The following NKAIN2 variants were observed in gnomAD, a reference collection of about 807,000 sequenced individuals.
NKAIN2 encodes the protein sodium/potassium-transporting ATPase subunit beta-1-interacting protein 2.
A neutral mutation model predicts 32.6 loss-of-function variants in NKAIN2; 14 were observed. That is an observed-to-expected ratio of 0.43 (90% CI 0.28 to 0.67). The LOEUF is 0.67. NKAIN2 is among the 30% of genes least tolerant of loss of function. NKAIN2 has a pLI of 0.17. For missense variants in NKAIN2, 198 were observed against 258.3 expected (o/e 0.77, Z 1.60); for synonymous variants, 80 against 87.2 (o/e 0.92, Z 0.46).
At chr6:124,416,376 G>A (rs1774488813) in intron 3 of NKAIN2, among the ~76,000 whole-genome samples, 1 of 152,154 alleles carries the variant, frequency 6.6e-6, no homozygotes, top group Admixed American at 6.5e-5. Flanking sequence ...AGCTATGGTG[G>A]CCCATACCTG....
chr6:124,026,370 GCTGT>G (rs61311828), intron 1 of NKAIN2, among the ~76,000 whole-genome samples: 27,480 of 152,018 alleles, frequency 0.18, 2,684 homozygotes, highest in African/African-American at 0.24. Flanking sequence ...GAATTGCAGG[GCTGT>G]CTATTTCCAT....
chr6:124,499,393 A>G (rs1778196550), intron 3 of NKAIN2, among the ~76,000 whole-genome samples: 1 of 152,180 alleles, frequency 6.6e-6, no homozygotes, highest in South Asian at 2.1e-4. Flanking sequence ...GGCTTAAGAA[A>G]AGTTAAATAT....
chr6:123,889,434 T>G (rs1298509578), intron 1 of NKAIN2, among the ~76,000 whole-genome samples: 1 of 152,108 alleles, frequency 6.6e-6, no homozygotes, highest in Non-Finnish European at 1.5e-5. Context: ...GAACTTAGGT[T>G]TCTTAGAGGA....
chr6:124,676,150 G>A (rs73770515), intron 4 of NKAIN2, among the ~76,000 whole-genome samples: 9,187 of 152,072 alleles, frequency 0.06, 391 homozygotes, highest in African/African-American at 0.12. Context: ...TTCTTTTGCT[G>A]TTGATTTCTA....
intron 4 of NKAIN2, among the ~76,000 whole-genome samples, chr6:124,724,133 C>T (rs1776158768): frequency 1.3e-5 from 2 of 152,094 alleles, no homozygotes; most frequent in South Asian, 2.1e-4. Flanking sequence ...GAGTGGCTGC[C>T]GTTTGTTCCA....
At chr6:124,578,855 C>T (rs879925456) in intron 3 of NKAIN2, among the ~76,000 whole-genome samples, 24 of 151,860 alleles carry the variant, frequency 1.6e-4, no homozygotes, top group African/African-American at 4.1e-4. Context: ...GGCAGCTCAG[C>T]GCAGAAAGAG....
At chr6:124,802,103 G>A (rs1258004324) in intron 5 of NKAIN2, among the ~76,000 whole-genome samples, 1 of 152,090 alleles carries the variant, frequency 6.6e-6, no homozygotes, top group African/African-American at 2.4e-5. Flanking sequence ...TTCATTTCTG[G>A]AGGCTGTAAA....
rs925900813 is a variant in NKAIN2 at position 124,726,863 on chromosome 6, G to A, written c.475-64476G>A. 1.1e-4 allele frequency among the ~76,000 whole-genome samples: 13 copies of A among 122,644 alleles called. No individual in the cohort carries two copies. The Admixed American group carries it at 1.2e-3, about 11-fold the overall frequency. The allele number at this position is 122,644 out of a possible 152,430, so 80.5% of individuals were successfully genotyped here. A position where few individuals can be genotyped will look rare whatever the true frequency, so the allele number is the denominator to read the frequency against. Reference sequence around the variant, plus strand: ...TAACCAATACAGAGAAGTGCTTAAAGGAGCTGATGGAGCTGAAAACCAAGG... The same window carrying A: ...TAACCAATACAGAGAAGTGCTTAAAAGAGCTGATGGAGCTGAAAACCAAGG... On this transcript the variant is annotated intron_variant, in intron 4 of 6. Transcript: ENST00000368417.
At chr6:123,994,269 A>T (rs113921678) in intron 1 of NKAIN2, among the ~76,000 whole-genome samples, 86 of 151,568 alleles carry the variant, frequency 5.7e-4, no homozygotes, top group African/African-American at 2.0e-3. Context: ...GGGGACCTTG[A>T]ACGGTGCATA....
intron 1 of NKAIN2, among the ~76,000 whole-genome samples, chr6:123,851,793 C>A (rs147694349): frequency 9.9e-5 from 15 of 152,056 alleles, no homozygotes; most frequent in Non-Finnish European, 2.2e-4. Context: ...TTAAGTCTTG[C>A]GATAGAGTTC....
chr6:123,961,568 C>T (rs1777853956), intron 1 of NKAIN2, among the ~76,000 whole-genome samples: 1 of 152,064 alleles, frequency 6.6e-6, no homozygotes, highest in South Asian at 2.1e-4. Context: ...ATTTACTTGC[C>T]AGAATATTCA....
At chr6:124,258,642 T>G (rs1473369977) in intron 1 of NKAIN2, among the ~76,000 whole-genome samples, 4 of 152,216 alleles carry the variant, frequency 2.6e-5, no homozygotes, top group Non-Finnish European at 4.4e-5. Flanking sequence ...GGGCACTAAT[T>G]TTCTCAAACT....
At chr6:124,547,107 CAT>C (rs901375761) in intron 3 of NKAIN2, among the ~76,000 whole-genome samples, 2 of 151,630 alleles carry the variant, frequency 1.3e-5, no homozygotes, top group African/African-American at 2.4e-5. Context: ...CCTTTGGACA[CAT>C]ATTAAACAGT....
chr6:124,691,164 T>A (rs1433923556), intron 4 of NKAIN2, among the ~76,000 whole-genome samples: 1 of 152,220 alleles, frequency 6.6e-6, no homozygotes, highest in Non-Finnish European at 1.5e-5. Flanking sequence ...CACTTGTTTT[T>A]ACCTCCATTA....
At chr6:124,444,097 C>T (rs1775796644) in intron 3 of NKAIN2, among the ~76,000 whole-genome samples, 1 of 152,012 alleles carries the variant, frequency 6.6e-6, no homozygotes, top group African/African-American at 2.4e-5. Flanking sequence ...GTATTTACAT[C>T]ATCTACCATA....
At chr6:124,388,079 C>G (rs1250694985) in intron 3 of NKAIN2, among the ~76,000 whole-genome samples, 2 of 152,008 alleles carry the variant, frequency 1.3e-5, no homozygotes, top group African/African-American at 4.8e-5. Context: ...ACAAAATTAT[C>G]TAGCCCGAAA....
At chr6:124,454,106 T>TTGGGG (rs1491320529) in intron 3 of NKAIN2, among the ~76,000 whole-genome samples, 6 of 60,718 alleles carry the variant, frequency 9.9e-5, no homozygotes, top group Non-Finnish European at 2.5e-4. Context: ...GTTTTTTTTT[T>TTGGGG]GGGGGGGGGG....
At chr6:124,193,380 A>T (rs988638064) in intron 1 of NKAIN2, among the ~76,000 whole-genome samples, 1 of 152,190 alleles carries the variant, frequency 6.6e-6, no homozygotes, top group African/African-American at 2.4e-5. Context: ...AGGCAGCTCC[A>T]GGCGCCAACA....
At chr6:124,345,180 A>C (rs1480864916) in intron 2 of NKAIN2, among the ~76,000 whole-genome samples, 1 of 152,104 alleles carries the variant, frequency 6.6e-6, no homozygotes, top group Non-Finnish European at 1.5e-5. Flanking sequence ...CCAGGGATGA[A>C]GTCCACTTGA....
Sources: gnomAD v4.1 joint callset for allele counts (sites outside exome capture counted in the v4.1 genomes callset) on GRCh38, gnomAD v4.1.1 for gene constraint, MANE v1.5 for transcripts, NCBI Gene and HGNC (gene_info 2026-07-23, HGNC 2026-07-21) for gene names.